Variants in DSC3 observed in about 807,000 individuals in gnomAD.
DSC3 encodes desmocollin-3.
DSC3 carries 97 observed loss-of-function variants against 89.5 expected under a neutral mutation model. The observed-to-expected ratio is 1.08, with a 90% CI of 0.92 to 1.28. DSC3 has a LOEUF of 1.28. DSC3 is among the 50% of genes most tolerant of loss of function. The pLI, the probability that DSC3 is intolerant of heterozygous loss-of-function variation, is 0.00. For synonymous variants in DSC3, 436 were observed against 384.1 expected (o/e 1.14, Z -1.58); for missense variants, 1,199 against 1,085.3 (o/e 1.10, Z -1.47).
intron 7 of DSC3, among the ~76,000 whole-genome samples, chr18:31,019,628 A>C (rs1271289788): frequency 6.6e-6 from 1 of 152,140 alleles, no homozygotes; most frequent in Non-Finnish European, 1.5e-5. Flanking sequence ...CCTCATCTCT[A>C]CAAAAAAATA....
In DSC3 at chr18:31,029,636, T is replaced by G. The variant is rs1985717026; in HGVS notation, c.355-8A>C. 6.2e-7 allele frequency: 1 copy of G among 1,613,510 alleles called. No homozygotes were observed. On this transcript the variant is annotated splice_region_variant and splice_polypyrimidine_tract_variant and intron_variant, in intron 3 of 15. Coordinates refer to ENST00000360428, the MANE Select transcript of DSC3 (RefSeq NM_001941.5). ...GTGTCTTGTCTTCGATACCTGAATT[T>G]AGAGAAAAACAAATACATGAATAAA...
At chr18:31,015,233 C>T (rs1188903008) in intron 9 of DSC3, among the ~76,000 whole-genome samples, 3 of 152,060 alleles carry the variant, frequency 2.0e-5, no homozygotes, top group Non-Finnish European at 4.4e-5. Flanking sequence ...TTAAGTTAAT[C>T]TGAACCAAAA....
At chr18:31,004,717 A>G (rs1223936793) in intron 12 of DSC3, among the ~76,000 whole-genome samples, 2 of 122,752 alleles carry the variant, frequency 1.6e-5, no homozygotes, top group Non-Finnish European at 1.6e-5. Flanking sequence ...ACACACAAAT[A>G]GTTTCTGAAG....
At chr18:31,016,012 T>C (rs957473195) in intron 9 of DSC3, among the ~76,000 whole-genome samples, 13 of 152,204 alleles carry the variant, frequency 8.5e-5, no homozygotes, top group African/African-American at 2.9e-4. Context: ...CTAATTATAA[T>C]GCATTAGCAT....
chr18:31,018,864 T>C, intron 7 of DSC3, 64 bp from the exon 8 acceptor site: 1 of 1,452,884 alleles, frequency 6.9e-7, no homozygotes, highest in South Asian at 1.1e-5. Context: ...AAATGAAACC[T>C]CAATTGCACA....
intron 12 of DSC3, among the ~76,000 whole-genome samples, chr18:31,006,067 AC>A (rs1387729715): frequency 6.6e-6 from 1 of 152,206 alleles, no homozygotes; most frequent in African/African-American, 2.4e-5. Context: ...GGCAGTAACA[AC>A]AGAATGAAGT....
rs1984179424 is a variant in DSC3, at chr18:30,990,019, A to G, written c.*4156T>C. 6.6e-6 allele frequency: 1 copy of G among 152,198 alleles called. No individual in the cohort carries two copies. The highest frequency in any genetic ancestry group is 2.4e-5 in the African/African-American group (1 of 41,458). The allele number at this position is 152,198 out of a possible 1,614,324, so 9.4% of individuals were successfully genotyped here. ...CATTGTCTGGAAATCATGTTTCGGGATTATATATATGCACAAACTTTATTT... is the reference window on the plus strand; with the variant it reads ...CATTGTCTGGAAATCATGTTTCGGGGTTATATATATGCACAAACTTTATTT... On this transcript the variant is annotated 3_prime_UTR_variant, in exon 16 of 16. Coordinates refer to ENST00000360428, the MANE Select transcript of DSC3 (RefSeq NM_001941.5).
At chr18:31,006,525 C>T (rs1984849165) in intron 12 of DSC3, among the ~76,000 whole-genome samples, 1 of 152,078 alleles carries the variant, frequency 6.6e-6, no homozygotes, top group Non-Finnish European at 1.5e-5. Flanking sequence ...GTCTTGAACT[C>T]CTGACCTCAA....
chr18:31,017,698 A>C (rs71361310), intron 9 of DSC3, among the ~76,000 whole-genome samples: 4,938 of 152,322 alleles, frequency 0.032, 108 homozygotes, highest in Middle Eastern at 0.058. Flanking sequence ...CAGCCTTTTC[A>C]AAAGAATTAT....
intron 9 of DSC3, among the ~76,000 whole-genome samples, chr18:31,013,056 T>A (rs1985123425): frequency 6.6e-6 from 1 of 152,114 alleles, no homozygotes; most frequent in Admixed American, 6.5e-5. Flanking sequence ...GATCACTAGG[T>A]AAGAGTGGCA....
chr18:31,029,680 C>T, intron 3 of DSC3, 52 bp from the exon 4 acceptor site: 10 of 1,610,044 alleles, frequency 6.2e-6, no homozygotes, highest in Non-Finnish European at 8.5e-6. Flanking sequence ...TCACAGTCTA[C>T]TTTGTGTAAA....
At position 31,008,222 on chromosome 18, in the gene DSC3, A is replaced by G. The variant is rs142985439; in HGVS notation, c.1520+47T>C. On this transcript the variant is annotated intron_variant, in intron 10 of 15. Transcript: ENST00000360428. ...TGTTTTCAAATAAGTTACTATCTCA[A>G]TGATTACAAATACATTATTAGTATG... 8,779 of 1,610,710 alleles carry G rather than the reference A, an allele frequency of 5.5e-3. 32 individuals carry two copies. The highest frequency in any genetic ancestry group is 6.6e-3 in the Non-Finnish European group (7,796 of 1,177,676).
chr18:30,996,923 C>A lies in DSC3; in HGVS notation c.2361G>T (p.Gln787His), dbSNP rs916506783. 5 of 1,614,102 alleles carry A rather than the reference C, an allele frequency of 3.1e-6. No individual in the cohort carries two copies. The highest frequency in any genetic ancestry group is 4.2e-6 in the Non-Finnish European group (5 of 1,180,030). Reference sequence around the variant, plus strand: ...CAGCCCCCCGGCAGGATTCCAAGGTCTGGTTTCCTCCTTTCATCATTTCAA... The same window carrying A: ...CAGCCCCCCGGCAGGATTCCAAGGTATGGTTTCCTCCTTTCATCATTTCAA... Reference protein sequence around the residue: ...ETIEMMKGGNQTLESCRGAGH... With the variant: ...ETIEMMKGGNHTLESCRGAGH... The change falls in exon 15 of 16, where the codon CAG (glutamine) becomes CAT (histidine). Residue 787 changes from glutamine to histidine, a missense_variant. By Grantham distance (24) the Gln-to-His change is conservative. Coordinates refer to ENST00000360428, the MANE Select transcript of DSC3 (RefSeq NM_001941.5).
At chr18:31,004,963 G>C (rs1984790272) in intron 12 of DSC3, among the ~76,000 whole-genome samples, 1 of 152,004 alleles carries the variant, frequency 6.6e-6, no homozygotes, top group Admixed American at 6.6e-5. Flanking sequence ...CAATAGTCTT[G>C]ATCTATTATT....
chr18:31,006,906 C>CAATGG lies in DSC3; in HGVS notation c.1888_1888+1insCCATT (p.Asp630AlafsTer25), dbSNP rs772981744. ...ATAAATCATTATTTTTTATTAAATA[C>CAATGG]CATTAACTTTGGTGAGGCTCCACAG... On this transcript the variant is annotated frameshift_variant and splice_region_variant. Transcript: ENST00000360428. LOFTEE classifies it high-confidence loss of function. 9 of 1,598,500 alleles carry CAATGG rather than the reference C, an allele frequency of 5.6e-6. No individual in the cohort carries two copies. Among genetic ancestry groups the CAATGG allele is most frequent in the Non-Finnish European group, 7.7e-6 (9 of 1,166,736 alleles).
rs1375385010 is a variant in DSC3 at position 30,993,574 on chromosome 18, A to G, written c.*601T>C. On this transcript the variant is annotated 3_prime_UTR_variant, in exon 16 of 16. Transcript: ENST00000360428. The stretch of plus-strand genomic sequence containing the variant: ...GTTCTCATTTCATTTTAAATATTGC[A>G]TTGATTAATAATAATATACACACAC... 1 of 152,296 alleles carries G rather than the reference A, an allele frequency of 6.6e-6. No homozygotes were observed. The highest frequency in any genetic ancestry group is 2.4e-5 in the African/African-American group (1 of 41,430). The allele number at this position is 152,296 out of a possible 1,614,324, so 9.4% of individuals were successfully genotyped here.
chr18:30,995,675 C>A (rs1334505694), intron 15 of DSC3, among the ~76,000 whole-genome samples: 1 of 152,026 alleles, frequency 6.6e-6, no homozygotes, highest in Non-Finnish European at 1.5e-5. Flanking sequence ...GTTTTAAAAG[C>A]TTCATAGAGG....
chr18:31,015,429 A>G (rs1312810643), intron 9 of DSC3, among the ~76,000 whole-genome samples: 1 of 152,166 alleles, frequency 6.6e-6, no homozygotes, highest in Non-Finnish European at 1.5e-5. Context: ...CTCCTTGGAC[A>G]AAAAAACATA....
At chr18:31,041,221 A>C (rs1257109804) in intron 1 of DSC3, among the ~76,000 whole-genome samples, 5 of 152,192 alleles carry the variant, frequency 3.3e-5, no homozygotes, top group African/African-American at 1.2e-4. Context: ...ATCCCTTCGC[A>C]AAGGAAACAC....
Sources: allele counts gnomAD v4.1 joint callset (sites outside exome capture counted in the v4.1 genomes callset), GRCh38; gene constraint gnomAD v4.1.1; transcripts MANE v1.5; gene names NCBI Gene and HGNC (gene_info 2026-07-23, HGNC 2026-07-21).